SLC38A6: variants seen among roughly 807,000 people sequenced by gnomAD.
SLC38A6 encodes solute carrier family 38 member 6.
A neutral mutation model predicts 65.0 loss-of-function variants in SLC38A6; 73 were observed. The ratio of observed to expected loss-of-function variants is 1.12; its 90% confidence interval spans 0.93 to 1.37. SLC38A6 has a LOEUF of 1.37. Ranked by LOEUF, SLC38A6 falls within the 40% of genes most tolerant of loss-of-function variation. The pLI is 0.00. For synonymous variants in SLC38A6, 183 were observed against 178.8 expected (o/e 1.02, Z -0.19); for missense variants, 561 against 531.1 (o/e 1.06, Z -0.55).
At chr14:61,062,030 G>T (rs1388244883) in intron 15 of SLC38A6, among the ~76,000 whole-genome samples, 1 of 152,054 alleles carries the variant, frequency 6.6e-6, no homozygotes, top group Non-Finnish European at 1.5e-5. Flanking sequence ...GTAGAGATGG[G>T]GTTTTACCAT....
At chr14:60,996,491 A>G (rs1487470502) in intron 3 of SLC38A6, among the ~76,000 whole-genome samples, 1 of 152,114 alleles carries the variant, frequency 6.6e-6, no homozygotes, top group Non-Finnish European at 1.5e-5. Flanking sequence ...AAATTAGAAG[A>G]TCAGTCCAGG....
At chr14:61,030,559 TATTA>T in intron 6 of SLC38A6, 36 bp downstream of exon 6, 1 of 1,409,918 alleles carries the variant, frequency 7.1e-7, no homozygotes. Context: ...TCCGTTCATG[TATTA>T]ATTTGATAAA....
rs373824757 is a variant in SLC38A6 at position 61,082,242 on chromosome 14, T to C, written c.1409-1313T>C. Among the ~76,000 whole-genome samples the C allele has an allele frequency of 5.3e-5, 8 of 152,366 alleles. 1 individual carries two copies. Among genetic ancestry groups the C allele is most frequent in the African/African-American group, 1.9e-4 (8 of 41,586 alleles). ...CATCCCCTGCTGTTGTCTTCTGTCA[T>C]ACGGCTGAAATCGTAAAACTGGTCT... On this transcript the variant is annotated intron_variant, in intron 16 of 16. Coordinates refer to the SLC38A6 transcript ENST00000354886.
intron 5 of SLC38A6, among the ~76,000 whole-genome samples, chr14:61,029,584 G>A (rs2040823218): frequency 6.6e-6 from 1 of 152,076 alleles, no homozygotes; most frequent in African/African-American, 2.4e-5. Flanking sequence ...ATATGAATGA[G>A]TTCTGTATTC....
At chr14:61,033,929 G>A (rs554466927) in intron 6 of SLC38A6, 2 of 152,246 alleles carry the variant, frequency 1.3e-5, no homozygotes, top group South Asian at 2.1e-4. Context: ...CTATGAAAAG[G>A]AGAATGCAAA....
At position 61,005,724 on chromosome 14, in the gene SLC38A6, G is replaced by A. The variant is rs377007774; in HGVS notation, c.311-10180G>A. Among the ~76,000 whole-genome samples the A allele has an allele frequency of 8.3e-4, 127 of 152,304 alleles. 2 individuals are homozygous for A. In the East Asian group the frequency reaches 0.024, roughly 29 times the overall value. ...AAGAACATTCCATGCTCATGGGTAG[G>A]AAGAATCAATATCATGAAAATCGCC... is the stretch of plus-strand genomic sequence containing the variant. On this transcript the variant is annotated intron_variant, in intron 3 of 15. Transcript: ENST00000267488.
At chr14:60,987,076 A>G (rs1184823915) in intron 3 of SLC38A6, 2 of 414,014 alleles carry the variant, frequency 4.8e-6, no homozygotes, top group African/African-American at 2.1e-5. Flanking sequence ...TGAACTAACT[A>G]CTTCATGGTT....
intron 15 of SLC38A6, among the ~76,000 whole-genome samples, chr14:61,077,186 TTATC>T (rs1423497939): frequency 1.3e-5 from 2 of 152,204 alleles, no homozygotes; most frequent in African/African-American, 4.8e-5. Flanking sequence ...ACATAGTTAT[TTATC>T]TCATCAAAGA....
intron 15 of SLC38A6, among the ~76,000 whole-genome samples, chr14:61,061,111 C>G (rs546198455): frequency 6.6e-6 from 1 of 152,080 alleles, no homozygotes; most frequent in Non-Finnish European, 1.5e-5. Context: ...AGCTGTAGAC[C>G]GGAGCTGTTC....
intron 16 of SLC38A6, among the ~76,000 whole-genome samples, chr14:61,082,822 G>C (rs1030045200): frequency 1.3e-5 from 2 of 152,132 alleles, no homozygotes; most frequent in African/African-American, 4.8e-5. Flanking sequence ...GGCCTTCTCT[G>C]CTGTCCACTG....
intron 3 of SLC38A6, among the ~76,000 whole-genome samples, chr14:60,986,530 G>T (rs1458091925): frequency 1.3e-5 from 2 of 152,178 alleles, no homozygotes; most frequent in East Asian, 3.8e-4. Context: ...CAAGGGGCTT[G>T]GGTGAATGTG....
intron 15 of SLC38A6, among the ~76,000 whole-genome samples, chr14:61,063,010 A>AT (rs893031562): frequency 5.9e-5 from 9 of 151,608 alleles, no homozygotes; most frequent in East Asian, 1.9e-4. Context: ...TTTTGCAAAG[A>AT]TTTTTTTTTC....
intron 12 of SLC38A6, among the ~76,000 whole-genome samples, chr14:61,048,518 G>A (rs987567519): frequency 2.0e-5 from 3 of 152,082 alleles, no homozygotes; most frequent in African/African-American, 7.2e-5. Flanking sequence ...ATATGTTATG[G>A]CTCAGTTAAG....
rs549116183 is a variant in SLC38A6, at chr14:61,081,530, C to G, written c.1409-2025C>G. ...TGAAACCCCATCTCTAATAAAAATACAAAAATTAGCTAGGCGTAGTAGTGT... is the reference window on the plus strand; with the variant it reads ...TGAAACCCCATCTCTAATAAAAATAGAAAAATTAGCTAGGCGTAGTAGTGT... On this transcript the variant is annotated intron_variant, in intron 16 of 16. Coordinates refer to the SLC38A6 transcript ENST00000354886. 9.1e-4 allele frequency among the ~76,000 whole-genome samples: 139 copies of G among 152,148 alleles called. 1 individual carries two copies. The highest frequency in any genetic ancestry group is 1.8e-3 in the Non-Finnish European group (125 of 68,002).
At chr14:61,039,263 G>C (rs2041621049) in intron 8 of SLC38A6, among the ~76,000 whole-genome samples, 1 of 152,186 alleles carries the variant, frequency 6.6e-6, no homozygotes, top group Admixed American at 6.5e-5. Flanking sequence ...TAAACCATCT[G>C]CTCAGATTTT....
At chr14:61,030,364 AT>A in intron 5 of SLC38A6, 80 bp from the exon 6 acceptor site, 1 of 1,035,674 alleles carries the variant, frequency 9.7e-7, no homozygotes, top group Non-Finnish European at 1.4e-6. Context: ...TCTAATGGAC[AT>A]CTCTTTTCCT....
chr14:61,019,667 G>A (rs1419009766), intron 5 of SLC38A6, 87 bp downstream of exon 5: 34 of 1,399,266 alleles, frequency 2.4e-5, no homozygotes, highest in Non-Finnish European at 3.2e-5. Context: ...ATCTAGCTGG[G>A]AACTTCTGTA....
At chr14:60,997,943 T>C (rs533918747) in intron 3 of SLC38A6, among the ~76,000 whole-genome samples, 1 of 152,178 alleles carries the variant, frequency 6.6e-6, no homozygotes, top group African/African-American at 2.4e-5. Context: ...AAGCACAGGC[T>C]AGAAATTCAT....
intron 3 of SLC38A6, among the ~76,000 whole-genome samples, chr14:61,001,408 A>T (rs1480916237): frequency 2.6e-5 from 4 of 152,148 alleles, no homozygotes; most frequent in African/African-American, 7.2e-5. Context: ...CAGAAGCTGA[A>T]TTTTTTGTTA....
Sources: gnomAD v4.1 joint callset for allele counts (sites outside exome capture counted in the v4.1 genomes callset) on GRCh38, gnomAD v4.1.1 for gene constraint, MANE v1.5 for transcripts, NCBI Gene and HGNC (gene_info 2026-07-23, HGNC 2026-07-21) for gene names.